Variants in UBE4B observed in about 807,000 individuals in gnomAD.
UBE4B encodes ubiquitin conjugation factor E4 B.
A neutral mutation model predicts 148.1 loss-of-function variants in UBE4B; 27 were observed. The observed-to-expected ratio is 0.18, with a 90% CI of 0.13 to 0.25. The LOEUF (loss-of-function observed/expected upper bound fraction) is 0.25, where lower values mean the gene tolerates loss of function less well. Among genes scored for constraint, UBE4B ranks in the 10% least tolerant of loss-of-function variants. UBE4B has a pLI of 1.00. For synonymous variants in UBE4B, 596 were observed against 619.3 expected (o/e 0.96, Z 0.56); for missense variants, 1,170 against 1,662.4 (o/e 0.70, Z 5.15).
At chr1:10,087,730 T>G (rs1644786501) in intron 2 of UBE4B, among the ~76,000 whole-genome samples, 1 of 152,246 alleles carries the variant, frequency 6.6e-6, no homozygotes, top group Non-Finnish European at 1.5e-5. Flanking sequence ...CTTGAGTTAG[T>G]GCTGGCCGTG....
chr1:10,060,919 A>T (rs376198157), intron 1 of UBE4B, among the ~76,000 whole-genome samples: 3 of 151,910 alleles, frequency 2.0e-5, no homozygotes, highest in South Asian at 4.2e-4. Context: ...AATTTTTAAA[A>T]TTTTTTTGTA....
intron 2 of UBE4B, among the ~76,000 whole-genome samples, chr1:10,085,765 A>G (rs1455586624): frequency 6.6e-6 from 1 of 152,078 alleles, no homozygotes; most frequent in Non-Finnish European, 1.5e-5. Flanking sequence ...TTCAGAAAAT[A>G]TCCTCAAAGC....
chr1:10,084,185 G>A (rs116826516), intron 2 of UBE4B, among the ~76,000 whole-genome samples: 102 of 152,292 alleles, frequency 6.7e-4, no homozygotes, highest in Middle Eastern at 3.4e-3. Context: ...ATGTGCCCAA[G>A]CCTAGCAAAG....
intron 2 of UBE4B, 95 bp from the exon 3 acceptor site, chr1:10,095,366 G>A (rs1431320719): frequency 6.8e-7 from 1 of 1,466,650 alleles, no homozygotes; most frequent in Admixed American, 2.1e-5. Context: ...TGTCATGATG[G>A]GTGACTGCAG....
chr1:10,124,979 T>C (rs1317755621), intron 10 of UBE4B, among the ~76,000 whole-genome samples: 1 of 151,904 alleles, frequency 6.6e-6, no homozygotes, highest in Non-Finnish European at 1.5e-5. Flanking sequence ...TACAAAAAAT[T>C]AGCTGGCGCA....
rs748527443 is a variant in UBE4B, at chr1:10,102,900, C to T, written c.436-48C>T. On this transcript the variant is annotated intron_variant, in intron 4 of 27. Coordinates refer to ENST00000343090, the MANE Select transcript of UBE4B (RefSeq NM_001105562.3). The stretch of plus-strand genomic sequence containing the variant: ...AACGTATTCCTATTGAAACACCTAA[C>T]TCATACCTCTTATTTGAAATTAACC... 4.5e-6 allele frequency: 7 copies of T among 1,566,350 alleles called. No individual in the cohort carries two copies. In the South Asian group the frequency reaches 5.7e-5, roughly 13 times the overall value.
intron 2 of UBE4B, among the ~76,000 whole-genome samples, chr1:10,080,288 C>T (rs1184781991): frequency 1.3e-5 from 2 of 151,700 alleles, no homozygotes; most frequent in African/African-American, 2.4e-5. Context: ...GGCATGGTGG[C>T]GGGTGCCTGT....
At chr1:10,175,104 T>G (rs182139924) in intron 25 of UBE4B, among the ~76,000 whole-genome samples, 1 of 152,176 alleles carries the variant, frequency 6.6e-6, no homozygotes, top group Admixed American at 6.5e-5. Context: ...GACAGAAAGG[T>G]GCCTGGGTGA....
intron 25 of UBE4B, among the ~76,000 whole-genome samples, chr1:10,176,141 G>T (rs769971141): frequency 5.9e-5 from 9 of 152,132 alleles, no homozygotes; most frequent in Non-Finnish European, 1.2e-4. Context: ...TTAGCATCAT[G>T]TTTCAAGGTT....
Position 10,106,332 on chromosome 1 carries a change from A to G in UBE4B, c.945A>G (p.Ala315=), listed in dbSNP as rs1466330799. The part of the protein sequence containing the change: ...VPSTPLSPHS[A]ASGTAAGSQP... ...CCACTCCCCTCAGTCCTCACAGTGCAGCCTCTGGAACTGCTGCGGGAAGCC... is the reference window on the plus strand; with the variant it reads ...CCACTCCCCTCAGTCCTCACAGTGCGGCCTCTGGAACTGCTGCGGGAAGCC... Residue 315 remains alanine, a synonymous_variant, in exon 7 of 28, where the codon GCA becomes GCG. Transcript: ENST00000343090. The surrounding 1 kb of genome is among the most constrained non-coding windows in gnomAD (Gnocchi z 4.2). 1.1e-5 allele frequency: 18 copies of G among 1,614,092 alleles called. No individual in the cohort carries two copies. The highest frequency in any genetic ancestry group is 1.4e-5 in the Non-Finnish European group (17 of 1,179,990).
At chr1:10,167,791 C>T (rs1411694503) in intron 23 of UBE4B, among the ~76,000 whole-genome samples, 1 of 152,022 alleles carries the variant, frequency 6.6e-6, no homozygotes, top group Non-Finnish European at 1.5e-5. Context: ...CGGGGTTTCA[C>T]CATGTTGGCC....
intron 2 of UBE4B, among the ~76,000 whole-genome samples, chr1:10,085,543 A>ATATC (rs1172173721): frequency 2.6e-5 from 4 of 152,192 alleles, no homozygotes; most frequent in African/African-American, 9.7e-5. Context: ...CTGTTTTGAT[A>ATATC]GGGGATGCAT....
chr1:10,157,914 T>A (rs986709559), intron 21 of UBE4B, among the ~76,000 whole-genome samples: 11 of 152,224 alleles, frequency 7.2e-5, no homozygotes, highest in Admixed American at 3.9e-4. Context: ...TGGTGTTTTT[T>A]CAACACCAAA....
intron 9 of UBE4B, among the ~76,000 whole-genome samples, chr1:10,121,303 C>T (rs375242900): frequency 1.3e-5 from 2 of 151,610 alleles, no homozygotes; most frequent in African/African-American, 2.4e-5. Context: ...TGCAGTGAGC[C>T]GAAATTGCGC....
chr1:10,064,289 G>T (rs143120602), intron 1 of UBE4B, among the ~76,000 whole-genome samples: 1 of 152,258 alleles, frequency 6.6e-6, no homozygotes, highest in East Asian at 1.9e-4. Context: ...GTTATTACAT[G>T]AATATACAGT....
intron 14 of UBE4B, 149 bp from the exon 15 acceptor site, chr1:10,132,220 T>C: frequency 1.7e-6 from 1 of 605,694 alleles, no homozygotes; most frequent in South Asian, 2.0e-5. Context: ...TGTGGATATT[T>C]CTTATATTCT....
chr1:10,173,699 G>A (rs1186332147), intron 25 of UBE4B, among the ~76,000 whole-genome samples: 2 of 152,096 alleles, frequency 1.3e-5, no homozygotes, highest in South Asian at 2.1e-4. Context: ...GAAAGCCCCA[G>A]GGCTCTTCCA....
At position 10,178,701 on chromosome 1, in the gene UBE4B, A is replaced by T; in HGVS notation, c.3583A>T (p.Ile1195Phe). ...EVISKMRKAGIKSTIAIEKFK... is the reference protein window; with the variant it reads ...EVISKMRKAGFKSTIAIEKFK... Reference sequence around the variant, plus strand: ...TATTTCAAAGATGCGGAAGGCAGGGATCAAATCCACAATAGCAATAGAAAA... The same window carrying T: ...TATTTCAAAGATGCGGAAGGCAGGGTTCAAATCCACAATAGCAATAGAAAA... Residue 1195 changes from isoleucine to phenylalanine, a missense_variant, in exon 26 of 28, where the codon ATC becomes TTC. Around this residue, in one of 6 missense-constraint regions of UBE4B, gnomAD observed 348 missense variants for 627.2 expected, o/e 0.55. Coordinates refer to ENST00000343090, the MANE Select transcript of UBE4B (RefSeq NM_001105562.3). 6.2e-7 allele frequency: 1 copy of T among 1,613,990 alleles called. No homozygotes were observed. The highest frequency in any genetic ancestry group is 1.1e-5 in the South Asian group (1 of 91,038).
At chr1:10,076,114 G>A (rs1349401173) in intron 2 of UBE4B, among the ~76,000 whole-genome samples, 1 of 152,158 alleles carries the variant, frequency 6.6e-6, no homozygotes, top group Non-Finnish European at 1.5e-5. Flanking sequence ...GCTGGCATGA[G>A]GAAGGTGATG....
Sources: allele counts gnomAD v4.1 joint callset (sites outside exome capture counted in the v4.1 genomes callset), GRCh38; gene constraint gnomAD v4.1.1; regional missense constraint gnomAD v4.1.1; non-coding constraint Gnocchi (gnomAD v3.1); transcripts MANE v1.5; gene names NCBI Gene and HGNC (gene_info 2026-07-23, HGNC 2026-07-21).